Variants in KANSL1L observed in about 807,000 individuals in gnomAD.
KANSL1L encodes the protein KAT8 regulatory NSL complex subunit 1 like, also known as KAT8 regulatory NSL complex subunit 1-like protein.
Under a neutral mutation model 108.6 loss-of-function variants are expected in KANSL1L, and 25 were observed. That is an observed-to-expected ratio of 0.23 (90% confidence interval 0.17 to 0.32). The LOEUF (loss-of-function observed/expected upper bound fraction) is 0.32. Among genes scored for constraint, KANSL1L ranks in the 10% least tolerant of loss-of-function variants. The pLI is 1.00. For missense variants in KANSL1L, 1,137 were observed against 1,125.7 expected (o/e 1.01, Z -0.14); for synonymous variants, 405 against 395.1 (o/e 1.03, Z -0.30).
At chr2:210,059,508 A>C (rs1440950615) in intron 6 of KANSL1L, among the ~76,000 whole-genome samples, 1 of 152,228 alleles carries the variant, frequency 6.6e-6, no homozygotes, top group Non-Finnish European at 1.5e-5. Context: ...CCCTACAAAA[A>C]ATAACTTCTA....
rs776632693 is a variant in KANSL1L at position 210,075,670 on chromosome 2, G to C, written c.1637C>G (p.Thr546Arg). The change falls in exon 6 of 15, where the codon ACA (threonine) becomes AGA (arginine). Residue 546 changes from threonine (T) to arginine (R), a missense_variant. By Grantham distance (71) the Thr-to-Arg change is moderately conservative. Coordinates refer to ENST00000281772, the MANE Select transcript of KANSL1L (RefSeq NM_152519.4). ...KHSKKKRKDR[T>R]RLKSSSLTFM... ...AGTCAAGGATGAAGATTTCAGTCTT[G>C]TCCTGTCTTTTCTCTTTTTCTTACT... 29 of 1,613,560 alleles carry C rather than the reference G, an allele frequency of 1.8e-5. No individual in the cohort carries two copies. In the East Asian group the frequency reaches 6.2e-4, roughly 35 times the overall value.
intron 6 of KANSL1L, among the ~76,000 whole-genome samples, chr2:210,069,218 G>C (rs1307884987): frequency 6.6e-6 from 1 of 152,162 alleles, no homozygotes; most frequent in Admixed American, 6.6e-5. Flanking sequence ...AACAAGGATA[G>C]CCTTCCCTCC....
chr2:210,170,360 C>T, intron 1 of KANSL1L: 2 of 985,338 alleles, frequency 2.0e-6, no homozygotes, highest in Non-Finnish European at 1.2e-6. Context: ...AAAAAACAAA[C>T]AAAAACGGAC....
At chr2:210,134,400 A>G (rs1433971490) in intron 2 of KANSL1L, among the ~76,000 whole-genome samples, 3 of 152,080 alleles carry the variant, frequency 2.0e-5, no homozygotes, top group Non-Finnish European at 4.4e-5. Flanking sequence ...TTGCATGCCT[A>G]ATAGTTGAAT....
intron 1 of KANSL1L, among the ~76,000 whole-genome samples, chr2:210,156,987 CAA>C (rs72148831): frequency 4.3e-5 from 6 of 140,252 alleles, no homozygotes; most frequent in African/African-American, 5.5e-5. Context: ...ATCCTAAATG[CAA>C]AAAAAAAAAG....
chr2:210,112,882 G>T (rs1016513466), intron 3 of KANSL1L, among the ~76,000 whole-genome samples: 1 of 152,166 alleles, frequency 6.6e-6, no homozygotes, highest in African/African-American at 2.4e-5. Flanking sequence ...CAAAGGGCAG[G>T]CTTGGACAGT....
intron 2 of KANSL1L, among the ~76,000 whole-genome samples, chr2:210,133,950 C>A (rs916737604): frequency 6.6e-5 from 10 of 151,930 alleles, no homozygotes; most frequent in African/African-American, 2.4e-4. Flanking sequence ...TTTAAAATTT[C>A]TTTAGTGCGT....
At chr2:210,128,705 A>C (rs2095091564) in intron 3 of KANSL1L, among the ~76,000 whole-genome samples, 1 of 152,176 alleles carries the variant, frequency 6.6e-6, no homozygotes, top group Non-Finnish European at 1.5e-5. Flanking sequence ...TGTATTTAAT[A>C]ACACAACTAT....
At chr2:210,106,763 A>C (rs2094851063) in intron 3 of KANSL1L, among the ~76,000 whole-genome samples, 1 of 43,822 alleles carries the variant, frequency 2.3e-5, no homozygotes, top group Non-Finnish European at 9.3e-5. Flanking sequence ...AGACTCTGTC[A>C]AAAAAAAAAA....
At chr2:210,109,371 C>A (rs1281400053) in intron 3 of KANSL1L, among the ~76,000 whole-genome samples, 1 of 152,072 alleles carries the variant, frequency 6.6e-6, no homozygotes, top group Admixed American at 6.6e-5. Flanking sequence ...ACTCTGATCC[C>A]TTCCCTTCTC....
chr2:210,096,092 T>C (rs1035146508), intron 5 of KANSL1L, among the ~76,000 whole-genome samples: 2 of 152,146 alleles, frequency 1.3e-5, no homozygotes, highest in African/African-American at 2.4e-5. Flanking sequence ...TTCAATTAGG[T>C]TGTAGCAACA....
intron 5 of KANSL1L, among the ~76,000 whole-genome samples, chr2:210,082,573 A>C (rs2094598866): frequency 6.6e-6 from 1 of 152,240 alleles, no homozygotes; most frequent in Admixed American, 6.5e-5. Context: ...GAATACCAGC[A>C]CATGCTAAAC....
intron 1 of KANSL1L, among the ~76,000 whole-genome samples, chr2:210,166,797 A>G (rs1490339483): frequency 3.3e-5 from 5 of 152,112 alleles, no homozygotes; most frequent in African/African-American, 1.2e-4. Flanking sequence ...GAGAGGGGAG[A>G]ACCCTGAAGT....
At chr2:210,113,059 G>C (rs1193643922) in intron 3 of KANSL1L, among the ~76,000 whole-genome samples, 1 of 152,088 alleles carries the variant, frequency 6.6e-6, no homozygotes, top group Non-Finnish European at 1.5e-5. Flanking sequence ...CAAATATTAG[G>C]GATCTGTGTT....
intron 12 of KANSL1L, among the ~76,000 whole-genome samples, chr2:210,027,087 T>C (rs2093948562): frequency 6.6e-6 from 1 of 152,114 alleles, no homozygotes; most frequent in Non-Finnish European, 1.5e-5. Flanking sequence ...TTTTAAATTA[T>C]TGTGTATTTC....
chr2:210,171,678 C>T (rs1182313163), upstream of KANSL1L: 2 of 152,022 alleles, frequency 1.3e-5, no homozygotes, highest in Non-Finnish European at 2.9e-5. Flanking sequence ...AAAACACGGC[C>T]AGGAGACTTC....
chr2:210,031,214 C>A (rs1026063642), intron 9 of KANSL1L: 2 of 446,656 alleles, frequency 4.5e-6, no homozygotes, highest in African/African-American at 4.1e-5. Flanking sequence ...GAGGGAAATA[C>A]TTAATTGCCA....
At chr2:210,080,645 T>C (rs2094582109) in intron 5 of KANSL1L, among the ~76,000 whole-genome samples, 1 of 152,214 alleles carries the variant, frequency 6.6e-6, no homozygotes, top group East Asian at 1.9e-4. Flanking sequence ...TGACACCAAG[T>C]AGCCAAAACA....
chr2:210,079,626 A>ATG (rs1559539530), intron 5 of KANSL1L, among the ~76,000 whole-genome samples: 71 of 4,942 alleles, frequency 0.014, 1 homozygote, highest in Non-Finnish European at 0.019. Context: ...ATATATATAT[A>ATG]TATATATATA....
Sources: gnomAD v4.1 joint callset for allele counts (sites outside exome capture counted in the v4.1 genomes callset) on GRCh38, gnomAD v4.1.1 for gene constraint, MANE v1.5 for transcripts, NCBI Gene and HGNC (gene_info 2026-07-23, HGNC 2026-07-21) for gene names.